The following ME3 variants were observed in gnomAD, a reference collection of about 807,000 sequenced individuals.
ME3 encodes NADP-dependent malic enzyme, mitochondrial.
ME3 carries 48 observed loss-of-function variants against 68.9 expected under a neutral mutation model. That is an observed-to-expected ratio of 0.70 (90% CI 0.55 to 0.89). The LOEUF (loss-of-function observed/expected upper bound fraction) is 0.89, where lower values mean the gene tolerates loss of function less well. ME3 is among the 40% of genes least tolerant of loss of function. The pLI, the probability that ME3 is intolerant of heterozygous loss-of-function variation, is 0.00. For missense variants in ME3, 675 were observed against 797.4 expected (o/e 0.85, Z 1.85); for synonymous variants, 320 against 318.8 (o/e 1.00, Z -0.04).
At chr11:86,458,743 G>C (rs997164834) in intron 8 of ME3, among the ~76,000 whole-genome samples, 2 of 152,028 alleles carry the variant, frequency 1.3e-5, no homozygotes, top group Non-Finnish European at 1.5e-5. Context: ...TAGTGGTGGT[G>C]GTGGGTGAGA....
At chr11:86,608,908 CG>C (rs1468187548) in intron 2 of ME3, among the ~76,000 whole-genome samples, 1 of 152,060 alleles carries the variant, frequency 6.6e-6, no homozygotes, top group Admixed American at 6.6e-5. Context: ...TAAAAAGGCA[CG>C]TATTTTTTTG....
chr11:86,652,800 A>G (rs1002081717), intron 2 of ME3, among the ~76,000 whole-genome samples: 4 of 152,212 alleles, frequency 2.6e-5, no homozygotes, highest in Non-Finnish European at 5.9e-5. Flanking sequence ...ACAGACTGGC[A>G]AATTGCATAA....
rs778666418 is a variant in ME3 at position 86,640,274 on chromosome 11, C to A, written c.183+31488G>T. ...AAGCTTGGTGAAGATCCACAGAACACGTTAGCTTCTAGCACAAAAGGCAAG... is the reference window on the plus strand; with the variant it reads ...AAGCTTGGTGAAGATCCACAGAACAAGTTAGCTTCTAGCACAAAAGGCAAG... On this transcript the variant is annotated intron_variant, in intron 2 of 14. Transcript: ENST00000543262. 2.0e-5 allele frequency among the ~76,000 whole-genome samples: 3 copies of A among 152,136 alleles called. No homozygotes were observed. In the South Asian group the frequency reaches 6.2e-4, roughly 32 times the overall value.
At chr11:86,602,003 A>T (rs1490855826) in intron 2 of ME3, among the ~76,000 whole-genome samples, 8,729 of 90,590 alleles carry the variant, frequency 0.096, no homozygotes, top group African/African-American at 0.1. Flanking sequence ...TATCATACTG[A>T]ATGGGCAAAA....
At chr11:86,516,369 CTTTG>C (rs750479626) in intron 4 of ME3, among the ~76,000 whole-genome samples, 2 of 148,232 alleles carry the variant, frequency 1.3e-5, no homozygotes, top group African/African-American at 2.5e-5. Context: ...CTCTCTCTCT[CTTTG>C]TGTGTGTGTG....
intron 2 of ME3, among the ~76,000 whole-genome samples, chr11:86,606,493 G>A (rs563281881): frequency 5.9e-5 from 9 of 152,312 alleles, no homozygotes; most frequent in South Asian, 2.1e-4. Flanking sequence ...TGCCTGCAGC[G>A]AAGCTGTTTT....
chr11:86,487,312 A>G (rs775496288), intron 7 of ME3, 25 bp downstream of exon 7: 4 of 1,597,086 alleles, frequency 2.5e-6, no homozygotes, highest in Admixed American at 3.3e-5. Flanking sequence ...GTCCTCTTTC[A>G]AAAGGGACAG....
intron 2 of ME3, among the ~76,000 whole-genome samples, chr11:86,616,358 C>T (rs1481854086): frequency 1.3e-5 from 2 of 152,178 alleles, no homozygotes; most frequent in African/African-American, 4.8e-5. Context: ...TCACCTGAAA[C>T]ATCACTTTAT....
At chr11:86,523,481 A>G (rs1954485094) in intron 4 of ME3, among the ~76,000 whole-genome samples, 1 of 152,136 alleles carries the variant, frequency 6.6e-6, no homozygotes, top group South Asian at 2.1e-4. Context: ...ACAGAGAAAA[A>G]CTGAAATAGG....
chr11:86,448,219 C>T, exon 11 of ME3: 1 of 1,614,156 alleles, frequency 6.2e-7, no homozygotes, highest in South Asian at 1.1e-5. Context: ...TGGTCTTGGG[C>T]AAACATCTCC....
rs1270762680 is a variant in ME3, at chr11:86,501,730, C to T, written c.544-3606G>A. 2.6e-5 allele frequency among the ~76,000 whole-genome samples: 4 copies of T among 152,220 alleles called. No homozygotes were observed. In the East Asian group the frequency reaches 7.7e-4, roughly 29 times the overall value. On this transcript the variant is annotated intron_variant, in intron 5 of 14. Coordinates refer to ENST00000543262, the Ensembl canonical transcript of ME3. ...TGTATCTTCCAAGTTCAAAAACGTC[C>T]AGTCTTCTTTGATTCTTCTCTGTTA...
chr11:86,582,535 A>G (rs1958499543), intron 2 of ME3, among the ~76,000 whole-genome samples: 1 of 152,188 alleles, frequency 6.6e-6, no homozygotes, highest in Non-Finnish European at 1.5e-5. Context: ...TCCTTGGGAA[A>G]TATCTCAATA....
intron 4 of ME3, among the ~76,000 whole-genome samples, chr11:86,525,524 A>G (rs924719045): frequency 2.0e-5 from 3 of 152,072 alleles, no homozygotes; most frequent in Non-Finnish European, 4.4e-5. Context: ...AAAAAAAAAA[A>G]AAGACCCACT....
At chr11:86,446,673 G>A (rs1949320089) in intron 12 of ME3, among the ~76,000 whole-genome samples, 186 bp from the exon 13 acceptor site, 1 of 152,210 alleles carries the variant, frequency 6.6e-6, no homozygotes, top group Admixed American at 6.5e-5. Flanking sequence ...GCCCTCACCT[G>A]TTATCTAGCA....
At chr11:86,599,194 A>C (rs2139716244) in intron 2 of ME3, among the ~76,000 whole-genome samples, 1 of 152,350 alleles carries the variant, frequency 6.6e-6, no homozygotes, top group Non-Finnish European at 1.5e-5. Flanking sequence ...AAGAAGTTGA[A>C]AACATTGAAA....
At chr11:86,479,778 G>T (rs915404034) in intron 7 of ME3, among the ~76,000 whole-genome samples, 2 of 151,824 alleles carry the variant, frequency 1.3e-5, no homozygotes, top group Non-Finnish European at 2.9e-5. Flanking sequence ...TTCTTGGAAG[G>T]ACTGTAAGGT....
intron 2 of ME3, among the ~76,000 whole-genome samples, chr11:86,571,426 G>T (rs1460757359): frequency 3.9e-5 from 6 of 152,210 alleles, no homozygotes; most frequent in Admixed American, 3.9e-4. Flanking sequence ...CACTAGAACA[G>T]CAACATTAGT....
chr11:86,501,198 TTA>T (rs1555215074), intron 5 of ME3, among the ~76,000 whole-genome samples: 1 of 151,346 alleles, frequency 6.6e-6, no homozygotes, highest in Non-Finnish European at 1.5e-5. Context: ...ATAATAATAC[TTA>T]ACTCCTCAGG....
chr11:86,532,268 C>T (rs1054627128), intron 4 of ME3, among the ~76,000 whole-genome samples: 1 of 152,092 alleles, frequency 6.6e-6, no homozygotes, highest in Non-Finnish European at 1.5e-5. Flanking sequence ...GACTGCAATA[C>T]AATAATAGCA....
Sources: gnomAD v4.1 joint callset for allele counts (sites outside exome capture counted in the v4.1 genomes callset) on GRCh38, gnomAD v4.1.1 for gene constraint, MANE v1.5 for transcripts, NCBI Gene and HGNC (gene_info 2026-07-23, HGNC 2026-07-21) for gene names.